The following CCDC171 variants were observed in gnomAD, a reference collection of about 807,000 sequenced individuals.
CCDC171 encodes coiled-coil domain containing 171.
A neutral mutation model predicts 168.2 loss-of-function variants in CCDC171; 177 were observed. The ratio of observed to expected loss-of-function variants is 1.05; its 90% CI spans 0.93 to 1.19. CCDC171 has a LOEUF of 1.19. CCDC171 is among the 50% of genes most tolerant of loss of function. The pLI, the probability that CCDC171 is intolerant of heterozygous loss-of-function variation, is 0.00. For synonymous variants in CCDC171, 687 were observed against 540.8 expected (o/e 1.27, Z -3.75); for missense variants, 1,991 against 1,539.0 (o/e 1.29, Z -4.91).
chr9:16,052,226 G>A (rs1279323209), intron 1 of CCDC171, among the ~76,000 whole-genome samples: 3 of 152,288 alleles, frequency 2.0e-5, no homozygotes, highest in East Asian at 1.9e-4. Context: ...CTGGAAGGAG[G>A]GAGAGAGGGA....
At chr9:15,647,469 T>A (rs765254776) in intron 7 of CCDC171, among the ~76,000 whole-genome samples, 1 of 151,896 alleles carries the variant, frequency 6.6e-6, no homozygotes, top group Admixed American at 6.6e-5. Flanking sequence ...CTGGTTTTTT[T>A]AAAAGATCAA....
intron 18 of CCDC171, among the ~76,000 whole-genome samples, chr9:15,747,329 G>A (rs1236347190): frequency 6.6e-6 from 1 of 152,208 alleles, no homozygotes; most frequent in Non-Finnish European, 1.5e-5. Flanking sequence ...AGCTTCTGCA[G>A]ACTTAAACAT....
chr9:15,800,285 G>T (rs1018982548), intron 21 of CCDC171, among the ~76,000 whole-genome samples: 4 of 151,938 alleles, frequency 2.6e-5, no homozygotes, highest in Admixed American at 2.6e-4. Context: ...GTTACTCCCT[G>T]TCTTTAGGAT....
intron 10 of CCDC171, among the ~76,000 whole-genome samples, chr9:15,690,657 A>C (rs1421117876): frequency 6.6e-6 from 1 of 152,180 alleles, no homozygotes; most frequent in African/African-American, 2.4e-5. Context: ...TGATTTGCAC[A>C]CTTGATCACT....
chr9:16,015,162 T>C (rs1832977271), intron 3 of CCDC171, among the ~76,000 whole-genome samples: 1 of 152,228 alleles, frequency 6.6e-6, no homozygotes, highest in African/African-American at 2.4e-5. Context: ...TCAGTGATTT[T>C]AGCTAGATCC....
Position 15,581,420 on chromosome 9 carries a change from GA to G in CCDC171, c.352+2403del, listed in dbSNP as rs1026013557. 5.1e-4 allele frequency among the ~76,000 whole-genome samples: 77 copies of G among 152,172 alleles called. 2 individuals are homozygous for G. The highest frequency in any genetic ancestry group is 5.0e-3 in the Admixed American group (77 of 15,278). On this transcript the variant is annotated intron_variant, in intron 4 of 25. Coordinates refer to ENST00000380701, the MANE Select transcript of CCDC171 (RefSeq NM_173550.4). Reference sequence around the variant, plus strand: ...ACCACTGGCTTTCTTCACAGAACTGGAAAAAACTACTTTAAAGTTCATATGG... The same window carrying G: ...ACCACTGGCTTTCTTCACAGAACTGGAAAAACTACTTTAAAGTTCATATGG...
intron 6 of CCDC171, among the ~76,000 whole-genome samples, chr9:16,032,298 T>G (rs1441847912): frequency 2.0e-5 from 3 of 152,172 alleles, no homozygotes; most frequent in African/African-American, 7.2e-5. Context: ...AAATGAAGAT[T>G]TATGAAAATA....
chr9:15,723,438 T>G (rs998864132), intron 12 of CCDC171, among the ~76,000 whole-genome samples: 2 of 152,208 alleles, frequency 1.3e-5, no homozygotes, highest in Non-Finnish European at 2.9e-5. Context: ...GTAACATAAG[T>G]GATATTTTAA....
chr9:15,840,625 C>T (rs2060638667), intron 21 of CCDC171, among the ~76,000 whole-genome samples: 1 of 152,062 alleles, frequency 6.6e-6, no homozygotes. Flanking sequence ...TGCAGCCAAA[C>T]TCAGTTTGCT....
At chr9:15,635,365 G>T (rs772895280) in intron 7 of CCDC171, among the ~76,000 whole-genome samples, 2 of 152,024 alleles carry the variant, frequency 1.3e-5, no homozygotes, top group Non-Finnish European at 2.9e-5. Context: ...TTTAAAAATG[G>T]ATTGTTTGTA....
chr9:15,642,806 T>A (rs953840314), intron 7 of CCDC171, among the ~76,000 whole-genome samples: 2 of 152,130 alleles, frequency 1.3e-5, no homozygotes, highest in African/African-American at 4.8e-5. Context: ...CCCCTGTGTT[T>A]TGCTCTAAGC....
At chr9:15,588,591 T>A in intron 4 of CCDC171, 1 of 312,792 alleles carries the variant, frequency 3.2e-6, no homozygotes, top group Non-Finnish European at 6.5e-6. Context: ...CACAGGAAGC[T>A]CAGCGTGCTG....
At chr9:15,723,504 G>C (rs527468980) in intron 12 of CCDC171, among the ~76,000 whole-genome samples, 177 bp from the exon 13 acceptor site, 2 of 152,194 alleles carry the variant, frequency 1.3e-5, no homozygotes, top group South Asian at 4.2e-4. Flanking sequence ...AAGCTATATA[G>C]CATTTAACCA....
intron 16 of CCDC171, among the ~76,000 whole-genome samples, chr9:15,739,335 C>G (rs2054697429): frequency 6.6e-6 from 1 of 152,180 alleles, no homozygotes; most frequent in South Asian, 2.1e-4. Flanking sequence ...AAGAGATCAA[C>G]TTCTTGTTCA....
intron 21 of CCDC171, among the ~76,000 whole-genome samples, chr9:15,832,087 A>G (rs1002839713): frequency 6.6e-6 from 1 of 152,132 alleles, no homozygotes; most frequent in Non-Finnish European, 1.5e-5. Context: ...TTTCAACTCA[A>G]TCAACTTTTC....
At chr9:15,654,288 T>C (rs941383065) in intron 7 of CCDC171, among the ~76,000 whole-genome samples, 2 of 151,904 alleles carry the variant, frequency 1.3e-5, no homozygotes, top group Non-Finnish European at 2.9e-5. Context: ...ATAAAGCAAA[T>C]AGTTCATTGT....
intron 8 of CCDC171, among the ~76,000 whole-genome samples, chr9:15,661,602 T>A (rs1277935704): frequency 6.6e-6 from 1 of 152,244 alleles, no homozygotes; most frequent in Non-Finnish European, 1.5e-5. Context: ...CAGAGCAGTT[T>A]AATGGAAAGT....
chr9:15,950,258 C>T (rs535401357), intron 25 of CCDC171, among the ~76,000 whole-genome samples: 217 of 152,124 alleles, frequency 1.4e-3, no homozygotes, highest in Non-Finnish European at 2.6e-3. Flanking sequence ...CATTCAAATT[C>T]AGGAAATACA....
intron 25 of CCDC171, among the ~76,000 whole-genome samples, chr9:15,962,418 G>T (rs1346925917): frequency 1.3e-5 from 2 of 152,008 alleles, no homozygotes; most frequent in Non-Finnish European, 2.9e-5. Flanking sequence ...TGGAATTGTT[G>T]GATCAAATGG....
Sources: gnomAD v4.1 joint callset for allele counts (sites outside exome capture counted in the v4.1 genomes callset) on GRCh38, gnomAD v4.1.1 for gene constraint, MANE v1.5 for transcripts, NCBI Gene and HGNC (gene_info 2026-07-23, HGNC 2026-07-21) for gene names.